The following LCLAT1 variants were observed in gnomAD, a reference collection of about 807,000 sequenced individuals.
LCLAT1 encodes lysocardiolipin acyltransferase 1, also known as 1-AGP acyltransferase 8.
Under a neutral mutation model 30.7 loss-of-function variants are expected in LCLAT1, and 11 were observed. That is an observed-to-expected ratio of 0.36 (90% CI 0.23 to 0.59). LCLAT1 has a LOEUF of 0.59. Ranked by LOEUF, LCLAT1 falls within the 20% of genes least tolerant of loss-of-function variation. The probability of loss-of-function intolerance (pLI) is 0.77; values close to 1 mark genes in which losing one functional copy is unlikely to be tolerated. For missense variants in LCLAT1, 402 were observed against 458.6 expected, an observed-to-expected ratio of 0.88 and a Z score of 1.13; for synonymous variants, 155 against 151.3, an observed-to-expected ratio of 1.02 and a Z score of -0.18.
intron 1 of LCLAT1, among the ~76,000 whole-genome samples, chr2:30,485,349 C>T (rs901468455): frequency 6.6e-6 from 1 of 152,044 alleles, no homozygotes; most frequent in Non-Finnish European, 1.5e-5. Context: ...GAATTTGTAC[C>T]GTTTTAATTT....
At chr2:30,567,150 A>G (rs1020970900) in intron 4 of LCLAT1, among the ~76,000 whole-genome samples, 1 of 152,142 alleles carries the variant, frequency 6.6e-6, no homozygotes, top group Non-Finnish European at 1.5e-5. Context: ...TTTATATTTT[A>G]ATATTTCAAT....
chr2:30,561,051 C>T (rs575134766), intron 3 of LCLAT1, among the ~76,000 whole-genome samples: 3 of 152,284 alleles, frequency 2.0e-5, no homozygotes, highest in Admixed American at 6.5e-5. Context: ...AAGCGATTCT[C>T]CTGCCTCAGC....
chr2:30,563,637 T>G (rs1460956373), intron 4 of LCLAT1, among the ~76,000 whole-genome samples: 1 of 152,160 alleles, frequency 6.6e-6, no homozygotes, highest in Non-Finnish European at 1.5e-5. Context: ...AACATGAACT[T>G]AACTTTCAAA....
chr2:30,545,827 C>T (rs1305268999), intron 3 of LCLAT1, among the ~76,000 whole-genome samples: 1 of 152,122 alleles, frequency 6.6e-6, no homozygotes, highest in Non-Finnish European at 1.5e-5. Context: ...ACGTACCCAA[C>T]TCATGGCTTC....
chr2:30,624,147 C>T (rs879691905), intron 5 of LCLAT1, among the ~76,000 whole-genome samples: 3 of 152,066 alleles, frequency 2.0e-5, no homozygotes, highest in Non-Finnish European at 2.9e-5. Flanking sequence ...CAAAATACAC[C>T]GAAATAGAAC....
chr2:30,553,838 A>C (rs1032746289), intron 3 of LCLAT1, among the ~76,000 whole-genome samples: 2 of 152,204 alleles, frequency 1.3e-5, no homozygotes, highest in African/African-American at 4.8e-5. Context: ...AAAAAAGACA[A>C]ATTATATATG....
At chr2:30,497,406 A>C (rs1307630916) in intron 1 of LCLAT1, among the ~76,000 whole-genome samples, 1 of 152,222 alleles carries the variant, frequency 6.6e-6, no homozygotes, top group African/African-American at 2.4e-5. Flanking sequence ...TCAAGGATAA[A>C]AATCTTTTAG....
intron 1 of LCLAT1, among the ~76,000 whole-genome samples, chr2:30,460,873 C>G (rs192189189): frequency 2.0e-5 from 3 of 152,260 alleles, no homozygotes; most frequent in African/African-American, 7.2e-5. Flanking sequence ...CATATAAAAA[C>G]CCTGGAATAG....
rs576935223 is a variant in LCLAT1, at chr2:30,634,780, C to T, written c.629-5337C>T. ...GGTACATTTTTTTCTTTACAGATTA[C>T]AGTATTTTAGCCCAGTTATAAATGG... On this transcript the variant is annotated intron_variant, in intron 5 of 5. Transcript: ENST00000379509. 2.0e-5 allele frequency among the ~76,000 whole-genome samples: 3 copies of T among 152,228 alleles called. No individual in the cohort carries two copies. In the South Asian group the frequency reaches 6.2e-4, roughly 32 times the overall value.
At chr2:30,537,329 C>T (rs1019447137) in intron 3 of LCLAT1, among the ~76,000 whole-genome samples, 14 of 150,306 alleles carry the variant, frequency 9.3e-5, no homozygotes, top group African/African-American at 2.9e-4. Context: ...TGCAGTGAGC[C>T]GAGATTGCGC....
In LCLAT1 at chr2:30,461,770, C is replaced by CCTTTTTTTTTTTT. The variant is rs760622200; in HGVS notation, c.-5+14387_-5+14388insCTTTTTTTTTTTT. Among the ~76,000 whole-genome samples, 149 of 131,708 alleles carry CCTTTTTTTTTTTT rather than the reference C, an allele frequency of 1.1e-3. 4 individuals are homozygous for CCTTTTTTTTTTTT. Among genetic ancestry groups the CCTTTTTTTTTTTT allele is most frequent in the Admixed American group, 2.1e-3 (27 of 12,618 alleles). The allele number at this position is 131,708 out of a possible 152,430, so 86.4% of individuals were successfully genotyped here. The stretch of plus-strand genomic sequence containing the variant: ...TGTGGACCACTTTTTCTAAATTAAA[C>CCTTTTTTTTTTTT]TTTTTTTTTTTTTTTTTTGAGACGG... On this transcript the variant is annotated intron_variant, in intron 1 of 5. Transcript: ENST00000379509.
At chr2:30,599,409 C>G (rs1667077736) in intron 5 of LCLAT1, among the ~76,000 whole-genome samples, 1 of 152,210 alleles carries the variant, frequency 6.6e-6, no homozygotes, top group Non-Finnish European at 1.5e-5. Context: ...TATTTTAGAG[C>G]AAGTGCCATG....
rs375331152 is a variant in LCLAT1 at position 30,587,165 on chromosome 2, A to C, written c.628+18989A>C. On this transcript the variant is annotated intron_variant, in intron 5 of 5. Transcript: ENST00000379509. ...TCCTCTAGAAACATTCTCTGCCTTG[A>C]GACCAGCTTAGGGAGAACTAGTGAA... Among the ~76,000 whole-genome samples the C allele has an allele frequency of 2.8e-4, 42 of 152,338 alleles. No homozygotes were observed. In the Middle Eastern group the frequency reaches 0.024, roughly 86 times the overall value.
chr2:30,573,968 C>A (rs1029610246), intron 5 of LCLAT1, among the ~76,000 whole-genome samples: 2 of 151,860 alleles, frequency 1.3e-5, no homozygotes, highest in African/African-American at 4.8e-5. Flanking sequence ...TGACGAAACC[C>A]CATCTCTACT....
chr2:30,585,622 C>T (rs13012454), intron 5 of LCLAT1, among the ~76,000 whole-genome samples: 17,727 of 152,220 alleles, frequency 0.12, 1,367 homozygotes, highest in East Asian at 0.29. Flanking sequence ...TAAGATCTCT[C>T]TTCCCTTAAT....
At chr2:30,537,895 A>G (rs1471149826) in intron 3 of LCLAT1, among the ~76,000 whole-genome samples, 4 of 152,218 alleles carry the variant, frequency 2.6e-5, no homozygotes, top group African/African-American at 9.6e-5. Flanking sequence ...TCAAACCACA[A>G]TGAAATAAAG....
At chr2:30,617,042 G>GCC (rs1668028097) in intron 5 of LCLAT1, among the ~76,000 whole-genome samples, 2 of 152,214 alleles carry the variant, frequency 1.3e-5, no homozygotes, top group Non-Finnish European at 2.9e-5. Flanking sequence ...GCTTTTAGAG[G>GCC]TAGAATTTAC....
intron 1 of LCLAT1, among the ~76,000 whole-genome samples, chr2:30,519,167 G>A (rs552448249): frequency 7.2e-5 from 11 of 152,262 alleles, no homozygotes; most frequent in Admixed American, 5.9e-4. Context: ...CCTACTAACT[G>A]TTGGATGTGC....
intron 5 of LCLAT1, among the ~76,000 whole-genome samples, chr2:30,571,033 A>G (rs1405991349): frequency 4.6e-5 from 7 of 152,224 alleles, no homozygotes; most frequent in Non-Finnish European, 1.0e-4. Context: ...TTTTAAGCTC[A>G]TGTATTATTA....
Sources: gnomAD v4.1 joint callset for allele counts (sites outside exome capture counted in the v4.1 genomes callset) on GRCh38, gnomAD v4.1.1 for gene constraint, MANE v1.5 for transcripts, NCBI Gene and HGNC (gene_info 2026-07-23, HGNC 2026-07-21) for gene names.